The following PGM5 variants were observed in gnomAD, a reference collection of about 807,000 sequenced individuals.
PGM5 encodes phosphoglucomutase 5, also known as phosphoglucomutase-like protein 5.
In PGM5, 23 loss-of-function variants were observed where a neutral mutation model predicts 59.2. That is an observed-to-expected ratio of 0.39 (90% CI 0.28 to 0.55). The LOEUF is 0.55. Ranked by LOEUF, PGM5 falls within the 20% of genes least tolerant of loss-of-function variation. The pLI is 0.66. For synonymous variants in PGM5, 214 were observed against 286.0 expected (o/e 0.75, Z 2.54); for missense variants, 574 against 748.3 (o/e 0.77, Z 2.72).
At chr9:68,392,949 G>A (rs1326179709) in intron 6 of PGM5, among the ~76,000 whole-genome samples, 1 of 152,108 alleles carries the variant, frequency 6.6e-6, no homozygotes, top group Non-Finnish European at 1.5e-5. Flanking sequence ...AGCCTTATTA[G>A]CACTGTACAA....
intron 10 of PGM5, among the ~76,000 whole-genome samples, chr9:68,521,266 A>G (rs1824896255): frequency 6.6e-6 from 1 of 152,270 alleles, no homozygotes; most frequent in Non-Finnish European, 1.5e-5. Flanking sequence ...CACTTGGCAC[A>G]TTTTGGGTAC....
intron 1 of PGM5, among the ~76,000 whole-genome samples, chr9:68,371,911 T>C (rs1460067132): frequency 4.6e-5 from 7 of 151,986 alleles, no homozygotes; most frequent in African/African-American, 7.2e-5. Context: ...AGCTCGGAAA[T>C]ATGTGGAGGC....
At chr9:68,387,927 T>C (rs1284422742) in intron 4 of PGM5, among the ~76,000 whole-genome samples, 1 of 152,058 alleles carries the variant, frequency 6.6e-6, no homozygotes, top group Non-Finnish European at 1.5e-5. Context: ...AACTCCTATC[T>C]TCCCCCAATT....
At chr9:68,425,122 G>A (rs1823212437) in intron 6 of PGM5, among the ~76,000 whole-genome samples, 1 of 152,126 alleles carries the variant, frequency 6.6e-6, no homozygotes, top group Non-Finnish European at 1.5e-5. Context: ...GCTCTTTCTA[G>A]TATAAGTCAC....
At chr9:68,397,297 A>G (rs1263975229) in intron 6 of PGM5, 4 of 152,676 alleles carry the variant, frequency 2.6e-5, no homozygotes, top group Non-Finnish European at 5.9e-5. Context: ...TCCTTCCATA[A>G]TATTTATGAA....
In PGM5 at chr9:68,436,402, A is replaced by G. The variant is rs994920220; in HGVS notation, c.1044-28691A>G. Among the ~76,000 whole-genome samples, 10 of 152,222 alleles carry G rather than the reference A, an allele frequency of 6.6e-5. No homozygotes were observed. In the South Asian group the frequency reaches 1.4e-3, roughly 22 times the overall value. On this transcript the variant is annotated intron_variant, in intron 6 of 10. Transcript: ENST00000396396. ...GTAGGTCAAGATGATCGTGGAAGTT[A>G]TACACAACCAGAATGATGAGAAAGC...
At chr9:68,411,486 G>GTATA (rs1279685124) in intron 6 of PGM5, among the ~76,000 whole-genome samples, 1,808 of 137,880 alleles carry the variant, frequency 0.013, 23 homozygotes, top group Non-Finnish European at 0.021. Flanking sequence ...GTGTGTGTGT[G>GTATA]TGTATATATA....
At chr9:68,518,999 A>G (rs1456915171) in intron 10 of PGM5, among the ~76,000 whole-genome samples, 3 of 152,258 alleles carry the variant, frequency 2.0e-5, no homozygotes, top group Non-Finnish European at 4.4e-5. Context: ...AAAATTGCAG[A>G]AAATCAAAGG....
chr9:68,435,257 C>T (rs1823426515), intron 6 of PGM5, among the ~76,000 whole-genome samples: 1 of 152,126 alleles, frequency 6.6e-6, no homozygotes, highest in South Asian at 2.1e-4. Context: ...ATTTTAACAG[C>T]TTTATTGAGA....
intron 1 of PGM5, among the ~76,000 whole-genome samples, chr9:68,376,788 T>A (rs1357766659): frequency 9.6e-6 from 1 of 103,638 alleles, no homozygotes; most frequent in African/African-American, 4.0e-5. Flanking sequence ...TTTCTTTCTT[T>A]CTTTCTTTCT....
At chr9:68,468,821 C>T (rs1217517843) in intron 7 of PGM5, among the ~76,000 whole-genome samples, 1 of 152,170 alleles carries the variant, frequency 6.6e-6, no homozygotes, top group East Asian at 1.9e-4. Flanking sequence ...TCCTATAGAG[C>T]TTTAAAATTG....
At chr9:68,459,455 G>T (rs1390433491) in intron 6 of PGM5, among the ~76,000 whole-genome samples, 1 of 152,172 alleles carries the variant, frequency 6.6e-6, no homozygotes, top group Non-Finnish European at 1.5e-5. Flanking sequence ...AAATCATAGA[G>T]TGTATATTCC....
In PGM5 at chr9:68,356,715, C is replaced by T. The variant is rs1324730594; in HGVS notation, c.-413C>T. Among the ~76,000 whole-genome samples the T allele has an allele frequency of 6.6e-6, 1 of 152,178 alleles. No homozygotes were observed. Among genetic ancestry groups the T allele is most frequent in the Non-Finnish European group, 1.5e-5 (1 of 68,024 alleles). On this transcript the variant is annotated 5_prime_UTR_variant, in exon 1 of 11. Coordinates refer to ENST00000396396, the MANE Select transcript of PGM5 (RefSeq NM_021965.4). ...CTGTTTTCTGGCGGAGGGTGTGCCC[C>T]GGAGGGCGGCGATCGCGGGTGAAGG... is the stretch of plus-strand genomic sequence containing the variant.
At chr9:68,495,173 T>C (rs1170646189) in intron 9 of PGM5, among the ~76,000 whole-genome samples, 1 of 152,230 alleles carries the variant, frequency 6.6e-6, no homozygotes, top group Non-Finnish European at 1.5e-5. Context: ...CGGTGGAAAC[T>C]TGTTTTATTC....
rs1253808443 is a variant in PGM5 at position 68,484,001 on chromosome 9, A to C, written c.1432A>C (p.Ser478Arg). The C allele has an allele frequency of 2.3e-5, 37 of 1,614,014 alleles. No homozygotes were observed. The highest frequency in any genetic ancestry group is 3.1e-5 in the Non-Finnish European group (37 of 1,180,004). Reference sequence around the variant, plus strand: ...TGTCTACAGCGTGGCGAAGACGGATAGTTTTGAATACGTGGACCCTGTGGA... The same window carrying C: ...TGTCTACAGCGTGGCGAAGACGGATCGTTTTGAATACGTGGACCCTGTGGA... ...SHVYSVAKTDSFEYVDPVDGT... is the reference protein window; with the variant it reads ...SHVYSVAKTDRFEYVDPVDGT... The change falls in exon 9 of 11, where the codon AGT (serine) becomes CGT (arginine). Residue 478 changes from serine (S) to arginine (R), a missense_variant. Transcript: ENST00000396396.
rs1327240154 is a variant in PGM5 at position 68,357,020 on chromosome 9, C to T, written c.-108C>T. On this transcript the variant is annotated 5_prime_UTR_variant, in exon 1 of 11. Coordinates refer to ENST00000396396, the MANE Select transcript of PGM5 (RefSeq NM_021965.4). ...GCGCCGACCTGCTGGAGAGGGGGCC[C>T]GGGCGCGAGGCGGAGTCCCGGCGCG... 1.1e-5 allele frequency: 13 copies of T among 1,191,506 alleles called. No homozygotes were observed. The highest frequency in any genetic ancestry group is 1.4e-5 in the Non-Finnish European group (13 of 906,206). The allele number at this position is 1,191,506 out of a possible 1,614,324, so 73.8% of individuals were successfully genotyped here.
chr9:68,421,642 G>C lies in PGM5; in HGVS notation c.1043+29169G>C, dbSNP rs966074660. ...TGAGGCAGGAGAATCACTTGAACCC[G>C]GGAGGCGGAGGTTGCAGTGAGCGGA... On this transcript the variant is annotated intron_variant, in intron 6 of 10. Transcript: ENST00000396396. 2.6e-5 allele frequency among the ~76,000 whole-genome samples: 4 copies of C among 152,156 alleles called. No homozygotes were observed. The South Asian group carries it at 6.2e-4, about 24-fold the overall frequency.
intron 6 of PGM5, among the ~76,000 whole-genome samples, chr9:68,456,258 A>C (rs1823772983): frequency 6.7e-6 from 1 of 149,698 alleles, no homozygotes. Context: ...TTCCCATGAT[A>C]CTTCACCAAC....
At chr9:68,491,111 G>A (rs947406724) in intron 9 of PGM5, among the ~76,000 whole-genome samples, 1 of 152,226 alleles carries the variant, frequency 6.6e-6, no homozygotes, top group Non-Finnish European at 1.5e-5. Flanking sequence ...ACGCCAGTCA[G>A]CTCATTAGCA....
Sources: allele counts gnomAD v4.1 joint callset (sites outside exome capture counted in the v4.1 genomes callset), GRCh38; gene constraint gnomAD v4.1.1; transcripts MANE v1.5; gene names NCBI Gene and HGNC (gene_info 2026-07-23, HGNC 2026-07-21).